The following SCLT1 variants were observed in gnomAD, a reference collection of about 807,000 sequenced individuals.
SCLT1 encodes sodium channel and clathrin linker 1.
A neutral mutation model predicts 112.8 loss-of-function variants in SCLT1; 78 were observed. The ratio of observed to expected loss-of-function variants is 0.69; its 90% CI spans 0.58 to 0.83. The LOEUF is 0.83. Among genes scored for constraint, SCLT1 ranks in the 40% least tolerant of loss-of-function variants. The pLI is 0.00. For synonymous variants in SCLT1, 257 were observed against 254.7 expected, an observed-to-expected ratio of 1.01 and a Z score of -0.09; for missense variants, 747 against 770.4, an observed-to-expected ratio of 0.97 and a Z score of 0.36.
chr4:128,952,607 G>A (rs2126003327), intron 14 of SCLT1, 162 bp downstream of exon 14: 1 of 621,256 alleles, frequency 1.6e-6, no homozygotes, highest in South Asian at 1.9e-5. Flanking sequence ...AAGCCACAAG[G>A]CTGCTGCAAA....
chr4:129,020,078 C>A (rs1745331597), intron 5 of SCLT1, among the ~76,000 whole-genome samples: 1 of 152,150 alleles, frequency 6.6e-6, no homozygotes, highest in Non-Finnish European at 1.5e-5. Context: ...TGCATAATTC[C>A]CTTACATATG....
At chr4:129,036,850 G>T (rs1433469173) in intron 5 of SCLT1, 1 of 151,418 alleles carries the variant, frequency 6.6e-6, no homozygotes, top group Non-Finnish European at 1.5e-5. Flanking sequence ...ACATAACATA[G>T]AAAAATACAA....
chr4:129,086,438 C>T (rs1489830558), intron 1 of SCLT1, among the ~76,000 whole-genome samples: 1 of 152,024 alleles, frequency 6.6e-6, no homozygotes. Flanking sequence ...TCCTTTCTTG[C>T]AAGTATGCTT....
intron 18 of SCLT1, among the ~76,000 whole-genome samples, chr4:128,893,106 C>T (rs946014851): frequency 2.0e-5 from 3 of 152,100 alleles, no homozygotes; most frequent in Non-Finnish European, 4.4e-5. Context: ...TAAGAAGAAA[C>T]GATGAACACA....
chr4:128,994,677 T>C (rs1180051761), intron 8 of SCLT1, among the ~76,000 whole-genome samples: 4 of 152,108 alleles, frequency 2.6e-5, no homozygotes, highest in African/African-American at 4.8e-5. Flanking sequence ...TCAACACGTG[T>C]TGTCTTTTTT....
chr4:129,011,774 T>C (rs1321987206), intron 5 of SCLT1, among the ~76,000 whole-genome samples: 1 of 152,124 alleles, frequency 6.6e-6, no homozygotes, highest in African/African-American at 2.4e-5. Flanking sequence ...GGAGGGTGTA[T>C]GTGTCTAGAA....
intron 4 of SCLT1, among the ~76,000 whole-genome samples, chr4:129,040,597 T>C (rs895962531): frequency 3.9e-5 from 6 of 152,218 alleles, no homozygotes; most frequent in African/African-American, 1.2e-4. Context: ...TCACTATAAA[T>C]TCCTTACTGT....
chr4:128,965,356 G>T, intron 10 of SCLT1, 38 bp from the exon 11 acceptor site: 1 of 1,331,298 alleles, frequency 7.5e-7, no homozygotes, highest in Non-Finnish European at 1.1e-6. Context: ...CTTTGAGTAT[G>T]TGAAAATTCA....
At chr4:128,988,481 A>T (rs928993455) in intron 9 of SCLT1, among the ~76,000 whole-genome samples, 3 of 151,960 alleles carry the variant, frequency 2.0e-5, no homozygotes, top group Non-Finnish European at 4.4e-5. Context: ...AACCTATAAT[A>T]GATACAAAAA....
At chr4:129,006,073 A>G (rs1270046424) in intron 5 of SCLT1, among the ~76,000 whole-genome samples, 332 of 148,994 alleles carry the variant, frequency 2.2e-3, no homozygotes, top group Non-Finnish European at 4.2e-3. Flanking sequence ...GCTAAATGAC[A>G]AGTTAATGGG....
chr4:129,031,960 T>G (rs1327011470), intron 5 of SCLT1, among the ~76,000 whole-genome samples: 2 of 152,112 alleles, frequency 1.3e-5, no homozygotes, highest in African/African-American at 4.8e-5. Flanking sequence ...ACTTTAAATT[T>G]CATATGGAAT....
chr4:128,957,013 T>A lies in SCLT1; in HGVS notation c.1146+13A>T. 1 of 1,418,950 alleles carries A rather than the reference T, an allele frequency of 7.0e-7. No individual in the cohort carries two copies. Among genetic ancestry groups the A allele is most frequent in the African/African-American group, 1.4e-5 (1 of 69,210 alleles). 87.9% of individuals were successfully genotyped at this position (1,418,950 alleles called of 1,614,324 possible). Reference sequence around the variant, plus strand: ...TTAAATTCTGAATTTTAAATATAATTAAAAATCCTTACTTCTTTCTTGGTT... The same window carrying A: ...TTAAATTCTGAATTTTAAATATAATAAAAAATCCTTACTTCTTTCTTGGTT... On this transcript the variant is annotated intron_variant, in intron 13 of 20. Transcript: ENST00000281142.
chr4:129,028,316 T>C (rs1469320336), intron 5 of SCLT1, among the ~76,000 whole-genome samples: 1 of 151,032 alleles, frequency 6.6e-6, no homozygotes, highest in Non-Finnish European at 1.5e-5. Context: ...ATGGTACTGG[T>C]ACCAAAACAG....
In SCLT1 at chr4:128,903,727, C is replaced by T. The variant is rs117072824; in HGVS notation, c.1830-12590G>A. Among the ~76,000 whole-genome samples, 31 of 152,182 alleles carry T rather than the reference C, an allele frequency of 2.0e-4. No individual in the cohort carries two copies. The East Asian group carries it at 6.0e-3, about 29-fold the overall frequency. On this transcript the variant is annotated intron_variant, in intron 18 of 20. Transcript: ENST00000281142. ...GAAAAGTGATTTCACAAACTCTATC[C>T]CCTGAGACTTTCCTAGAGCCTTCCT...
chr4:129,024,678 A>C (rs1460631800), intron 5 of SCLT1, among the ~76,000 whole-genome samples: 1 of 152,234 alleles, frequency 6.6e-6, no homozygotes, highest in Non-Finnish European at 1.5e-5. Context: ...CCTCACCAGC[A>C]ACGGAACAAA....
intron 9 of SCLT1, among the ~76,000 whole-genome samples, chr4:128,976,024 T>C (rs1290504532): frequency 6.6e-6 from 1 of 152,220 alleles, no homozygotes; most frequent in East Asian, 1.9e-4. Flanking sequence ...TATTTGTATA[T>C]TATTTATACA....
At chr4:128,880,771 C>T (rs1579270053), downstream of SCLT1, among the ~76,000 whole-genome samples, 2 of 152,112 alleles carry the variant, frequency 1.3e-5, no homozygotes, top group South Asian at 4.1e-4. Flanking sequence ...ATGTACATTT[C>T]AATGAATCAC....
intron 5 of SCLT1, among the ~76,000 whole-genome samples, chr4:129,035,555 C>T (rs1747106987): frequency 6.6e-6 from 1 of 152,040 alleles, no homozygotes; most frequent in Non-Finnish European, 1.5e-5. Context: ...AAAAAAACAG[C>T]TCTTGTACTG....
intron 2 of SCLT1, among the ~76,000 whole-genome samples, chr4:129,072,947 G>T (rs1751151620): frequency 6.6e-6 from 1 of 152,058 alleles, no homozygotes; most frequent in East Asian, 1.9e-4. Context: ...CAGAGGAAAG[G>T]TCTAGGGCTG....
Sources: allele counts gnomAD v4.1 joint callset (sites outside exome capture counted in the v4.1 genomes callset), GRCh38; gene constraint gnomAD v4.1.1; transcripts MANE v1.5; gene names NCBI Gene and HGNC (gene_info 2026-07-23, HGNC 2026-07-21).